The following ARHGEF3 variants were observed in gnomAD, a reference collection of about 807,000 sequenced individuals.
The protein encoded by ARHGEF3 is Rho guanine nucleotide exchange factor 3.
ARHGEF3 carries 28 observed loss-of-function variants against 63.2 expected under a neutral mutation model. The observed-to-expected ratio is 0.44, with a 90% confidence interval of 0.33 to 0.61. ARHGEF3 has a LOEUF of 0.61. ARHGEF3 is among the 20% of genes least tolerant of loss of function. The probability of loss-of-function intolerance (pLI) is 0.03; values close to 1 mark genes in which losing one functional copy is unlikely to be tolerated. For synonymous variants in ARHGEF3, 266 were observed against 254.2 expected (o/e 1.05, Z -0.44); for missense variants, 533 against 659.3 (o/e 0.81, Z 2.10).
intron 3 of ARHGEF3, among the ~76,000 whole-genome samples, chr3:56,891,197 A>G (rs1293263720): frequency 6.6e-6 from 1 of 151,726 alleles, no homozygotes; most frequent in African/African-American, 2.4e-5. Flanking sequence ...AAAAAAAAAA[A>G]AATAGAGACG....
At chr3:56,900,721 T>C (rs1389299911) in intron 3 of ARHGEF3, among the ~76,000 whole-genome samples, 2 of 152,262 alleles carry the variant, frequency 1.3e-5, no homozygotes, top group African/African-American at 2.4e-5. Context: ...AGACAATTTA[T>C]AGAAATCTGT....
At chr3:56,967,042 T>C (rs530362974) in intron 2 of ARHGEF3, among the ~76,000 whole-genome samples, 1 of 149,544 alleles carries the variant, frequency 6.7e-6, no homozygotes, top group Admixed American at 6.7e-5. Context: ...TTTGTATTTT[T>C]AGTAGAGACA....
intron 9 of ARHGEF3, chr3:56,731,921 T>G (rs904520264): frequency 1.8e-6 from 1 of 547,368 alleles, no homozygotes; most frequent in African/African-American, 1.9e-5. Context: ...GTATTAAGCA[T>G]GTTTTTATCC....
intron 1 of ARHGEF3, 115 bp downstream of exon 1, chr3:56,801,588 G>C: frequency 7.5e-7 from 1 of 1,339,612 alleles, no homozygotes; most frequent in Non-Finnish European, 1.0e-6. Flanking sequence ...CACACACGGA[G>C]AGTGAGAGAT....
At chr3:57,073,485 A>G in intron 1 of ARHGEF3, 1 of 687,692 alleles carries the variant, frequency 1.5e-6, no homozygotes, top group East Asian at 2.9e-5. Context: ...AGATGTGAAC[A>G]TGGGAAAACC....
chr3:57,002,479 T>TTTTATATATATATATATGTTATATA (rs1702250705), intron 2 of ARHGEF3, among the ~76,000 whole-genome samples: 1 of 39,466 alleles, frequency 2.5e-5, no homozygotes, highest in East Asian at 7.8e-4. Context: ...TATATATATG[T>TTTTATATATATATATATGTTATATA]TATATATATA....
At chr3:56,770,905 A>G (rs1044834162) in intron 2 of ARHGEF3, among the ~76,000 whole-genome samples, 12 of 152,146 alleles carry the variant, frequency 7.9e-5, no homozygotes, top group Admixed American at 2.0e-4. Flanking sequence ...TTAGGTCAGG[A>G]GTTTGAGACC....
chr3:56,866,536 G>A (rs2040253462), intron 4 of ARHGEF3, among the ~76,000 whole-genome samples: 1 of 152,082 alleles, frequency 6.6e-6, no homozygotes, highest in Non-Finnish European at 1.5e-5. Context: ...CCTCAAAGTG[G>A]CTCCTGTATT....
At chr3:57,058,308 C>G (rs1186942779) in intron 1 of ARHGEF3, among the ~76,000 whole-genome samples, 1 of 152,182 alleles carries the variant, frequency 6.6e-6, no homozygotes, top group Non-Finnish European at 1.5e-5. Flanking sequence ...TCAGTCTGGT[C>G]TTTTTGAAAT....
chr3:56,925,013 A>G (rs1407873103), intron 3 of ARHGEF3, among the ~76,000 whole-genome samples: 1 of 152,224 alleles, frequency 6.6e-6, no homozygotes, highest in Non-Finnish European at 1.5e-5. Context: ...CAGAGCCCAC[A>G]TTCTACCAGA....
chr3:56,996,145 T>C (rs776338201), intron 2 of ARHGEF3, among the ~76,000 whole-genome samples: 1 of 152,142 alleles, frequency 6.6e-6, no homozygotes, highest in Non-Finnish European at 1.5e-5. Context: ...ACTCACCAAC[T>C]GAAACACAGT....
At chr3:56,786,979 A>G (rs2036852762) in intron 1 of ARHGEF3, among the ~76,000 whole-genome samples, 1 of 152,168 alleles carries the variant, frequency 6.6e-6, no homozygotes, top group Non-Finnish European at 1.5e-5. Flanking sequence ...CAGAAAAGAC[A>G]AGGACATTCT....
chr3:57,035,285 T>C (rs1373280613), intron 1 of ARHGEF3: 3 of 517,242 alleles, frequency 5.8e-6, no homozygotes, highest in Non-Finnish European at 9.6e-6. Flanking sequence ...GGTTACCCAG[T>C]GTCCACCAAA....
chr3:57,036,991 A>T (rs1189316835), intron 1 of ARHGEF3, among the ~76,000 whole-genome samples: 1 of 152,236 alleles, frequency 6.6e-6, no homozygotes, highest in East Asian at 1.9e-4. Flanking sequence ...GGCGTTAGAC[A>T]GTCAGTTTAG....
chr3:57,060,055 C>A (rs1422509808), intron 1 of ARHGEF3, among the ~76,000 whole-genome samples: 1 of 151,994 alleles, frequency 6.6e-6, no homozygotes, highest in Non-Finnish European at 1.5e-5. Flanking sequence ...CATGGTGGCT[C>A]ACACCTGTAA....
Position 56,801,813 on chromosome 3 carries a change from C to G in ARHGEF3, c.-15G>C. On this transcript the variant is annotated 5_prime_UTR_variant, in exon 1 of 10. Transcript: ENST00000296315. Reference sequence around the variant, plus strand: ...TTGGCCACCATGGCGGCTGCCGGGCCTGCCCTTTGGGATGTCACCGCTGAC... The same window carrying G: ...TTGGCCACCATGGCGGCTGCCGGGCGTGCCCTTTGGGATGTCACCGCTGAC... 1 of 1,555,276 alleles carries G rather than the reference C, an allele frequency of 6.4e-7. No individual in the cohort carries two copies. Among genetic ancestry groups the G allele is most frequent in the Non-Finnish European group, 8.7e-7 (1 of 1,148,526 alleles).
intron 4 of ARHGEF3, among the ~76,000 whole-genome samples, chr3:56,814,935 C>G (rs1285548372): frequency 6.6e-6 from 1 of 151,940 alleles, no homozygotes; most frequent in Non-Finnish European, 1.5e-5. Flanking sequence ...CTGAGACTAG[C>G]CTGGGCCACA....
intron 2 of ARHGEF3, 85 bp downstream of exon 2, chr3:56,773,624 C>T: frequency 1.7e-6 from 2 of 1,203,426 alleles, no homozygotes; most frequent in South Asian, 1.7e-5. Context: ...ACTTTGAAAC[C>T]AGGGGAAATT....
At chr3:56,817,030 G>A (rs898676238) in intron 4 of ARHGEF3, among the ~76,000 whole-genome samples, 4 of 152,192 alleles carry the variant, frequency 2.6e-5, no homozygotes, top group Non-Finnish European at 5.9e-5. Flanking sequence ...CTTGTCAGGT[G>A]TCAACCCCAA....
Sources: allele counts gnomAD v4.1 joint callset (sites outside exome capture counted in the v4.1 genomes callset), GRCh38; gene constraint gnomAD v4.1.1; transcripts MANE v1.5; gene names NCBI Gene and HGNC (gene_info 2026-07-23, HGNC 2026-07-21).